Variants in ROBO2 observed in about 807,000 individuals in gnomAD.
ROBO2 encodes roundabout guidance receptor 2, also known as roundabout homolog 2.
Under a neutral mutation model 160.8 loss-of-function variants are expected in ROBO2, and 53 were observed. The ratio of observed to expected loss-of-function variants is 0.33; its 90% CI spans 0.26 to 0.41. ROBO2 has a LOEUF of 0.41. Among genes scored for constraint, ROBO2 ranks in the 10% least tolerant of loss-of-function variants. ROBO2 has a pLI of 1.00. For synonymous variants in ROBO2, 664 were observed against 611.7 expected, an observed-to-expected ratio of 1.09 and a Z score of -1.26; for missense variants, 1,577 against 1,722.4, an observed-to-expected ratio of 0.92 and a Z score of 1.49.
intron 2 of ROBO2, among the ~76,000 whole-genome samples, chr3:76,035,057 T>C (rs908579858): frequency 2.6e-5 from 4 of 152,086 alleles, no homozygotes; most frequent in African/African-American, 7.3e-5. Context: ...TCCTCTTACA[T>C]AGAAGTGACT....
At chr3:76,216,630 C>T (rs1277431072) in intron 2 of ROBO2, among the ~76,000 whole-genome samples, 1 of 152,164 alleles carries the variant, frequency 6.6e-6, no homozygotes, top group Non-Finnish European at 1.5e-5. Flanking sequence ...TATATATGCA[C>T]CCAATACAGG....
intron 2 of ROBO2, among the ~76,000 whole-genome samples, chr3:76,993,453 T>C (rs1559814391): frequency 6.6e-6 from 1 of 152,212 alleles, no homozygotes; most frequent in African/African-American, 2.4e-5. Flanking sequence ...AATGTCTTCA[T>C]TCATATCATA....
chr3:77,615,703 T>A (rs1237186579), intron 21 of ROBO2, among the ~76,000 whole-genome samples: 1 of 152,228 alleles, frequency 6.6e-6, no homozygotes, highest in African/African-American at 2.4e-5. Flanking sequence ...TTCCATTGCA[T>A]GGATGTAATG....
At chr3:77,373,601 A>G (rs1309691398) in intron 2 of ROBO2, among the ~76,000 whole-genome samples, 1 of 152,180 alleles carries the variant, frequency 6.6e-6, no homozygotes, top group East Asian at 1.9e-4. Context: ...TACAAAGAGC[A>G]TCATGCCAAG....
chr3:76,662,271 G>T (rs2091856861), intron 2 of ROBO2, among the ~76,000 whole-genome samples: 1 of 152,142 alleles, frequency 6.6e-6, no homozygotes, highest in Non-Finnish European at 1.5e-5. Context: ...TGAGGCCACA[G>T]TTGTTCTTGC....
intron 2 of ROBO2, among the ~76,000 whole-genome samples, chr3:76,460,974 A>G (rs1203118737): frequency 1.3e-5 from 2 of 152,194 alleles, no homozygotes; most frequent in Non-Finnish European, 2.9e-5. Flanking sequence ...ATGCATCGAT[A>G]AAATCTTAAT....
At chr3:77,051,017 CAA>C (rs5850308) in intron 1 of ROBO2, among the ~76,000 whole-genome samples, 111 of 133,256 alleles carry the variant, frequency 8.3e-4, no homozygotes, top group African/African-American at 2.3e-3. Flanking sequence ...GACCCTGTCT[CAA>C]AAAAAAAAAA....
At chr3:77,042,567 G>T (rs985645810) in intron 1 of ROBO2, among the ~76,000 whole-genome samples, 1 of 152,172 alleles carries the variant, frequency 6.6e-6, no homozygotes, top group Non-Finnish European at 1.5e-5. Context: ...AATCAGAAGA[G>T]CTTGGTGTTA....
intron 4 of ROBO2, among the ~76,000 whole-genome samples, chr3:77,488,326 G>C (rs909417935): frequency 6.6e-6 from 1 of 152,122 alleles, no homozygotes; most frequent in African/African-American, 2.4e-5. Flanking sequence ...TGATCACTCT[G>C]CAGTTATATA....
chr3:76,629,691 T>G (rs2089905548), intron 2 of ROBO2, among the ~76,000 whole-genome samples: 1 of 152,124 alleles, frequency 6.6e-6, no homozygotes, highest in Non-Finnish European at 1.5e-5. Context: ...CCAGAAACAA[T>G]ACGTTGCACC....
intron 2 of ROBO2, among the ~76,000 whole-genome samples, chr3:77,112,039 C>A (rs995123592): frequency 1.3e-5 from 2 of 151,630 alleles, no homozygotes; most frequent in African/African-American, 4.8e-5. Context: ...CGGTCAAACC[C>A]CATCTCTACA....
At chr3:76,605,619 G>T (rs1410338688) in intron 2 of ROBO2, among the ~76,000 whole-genome samples, 7 of 152,088 alleles carry the variant, frequency 4.6e-5, no homozygotes, top group Admixed American at 1.3e-4. Context: ...TATACACAAA[G>T]GATAAGACTG....
intron 2 of ROBO2, among the ~76,000 whole-genome samples, chr3:77,102,534 C>T (rs185073662): frequency 2.0e-5 from 3 of 152,092 alleles, no homozygotes; most frequent in African/African-American, 7.2e-5. Flanking sequence ...CAACTTTTAT[C>T]ATAAAATGAT....
At chr3:77,009,158 C>T (rs2061735489) in intron 2 of ROBO2, among the ~76,000 whole-genome samples, 1 of 152,152 alleles carries the variant, frequency 6.6e-6, no homozygotes, top group South Asian at 2.1e-4. Context: ...CTAACTGATC[C>T]TTGAAAAGAC....
At chr3:76,723,339 A>G (rs1280310494) in intron 2 of ROBO2, among the ~76,000 whole-genome samples, 3 of 152,216 alleles carry the variant, frequency 2.0e-5, no homozygotes, top group Non-Finnish European at 4.4e-5. Context: ...TTTTATATAC[A>G]TAGAAAATGT....
chr3:76,390,696 G>A lies in ROBO2; in HGVS notation c.109+453094G>A, dbSNP rs141247558. On this transcript the variant is annotated intron_variant, in intron 2 of 26. Coordinates refer to the ROBO2 transcript ENST00000487694. ...TTCTACTCCTCTGTAGGTCTGTCAC[G>A]GAAGTGTGGAGCCAGTTCTGTCTTC... 2.4e-4 allele frequency among the ~76,000 whole-genome samples: 37 copies of A among 152,190 alleles called. No homozygotes were observed. In the East Asian group the frequency reaches 6.6e-3, roughly 27 times the overall value.
chr3:76,827,000 C>G (rs905133578), intron 2 of ROBO2, among the ~76,000 whole-genome samples: 1 of 152,080 alleles, frequency 6.6e-6, no homozygotes, highest in African/African-American at 2.4e-5. Context: ...GTGTTGGGAC[C>G]TTTGGAGAGG....
intron 2 of ROBO2, among the ~76,000 whole-genome samples, chr3:76,608,541 A>AT (rs1392957274): frequency 1.3e-5 from 2 of 152,022 alleles, no homozygotes; most frequent in African/African-American, 4.8e-5. Context: ...CACTTTGTTG[A>AT]TTGTTTCCTT....
At chr3:77,469,948 A>C (rs1172712414) in intron 2 of ROBO2, among the ~76,000 whole-genome samples, 1 of 152,188 alleles carries the variant, frequency 6.6e-6, no homozygotes, top group South Asian at 2.1e-4. Flanking sequence ...GTAGATAAGG[A>C]AAGACTTCAG....
Sources: allele counts gnomAD v4.1 joint callset (sites outside exome capture counted in the v4.1 genomes callset), GRCh38; gene constraint gnomAD v4.1.1; transcripts MANE v1.5; gene names NCBI Gene and HGNC (gene_info 2026-07-23, HGNC 2026-07-21).